FOXN2: variants seen among roughly 807,000 people sequenced by gnomAD.
FOXN2 encodes forkhead box protein N2.
FOXN2 carries 19 observed loss-of-function variants against 41.2 expected under a neutral mutation model. The observed-to-expected ratio is 0.46, with a 90% CI of 0.32 to 0.68. The LOEUF (loss-of-function observed/expected upper bound fraction) is 0.68. FOXN2 is among the 30% of genes least tolerant of loss of function. The pLI is 0.03. For missense variants in FOXN2, 587 were observed against 509.4 expected (o/e 1.15, Z -1.47); for synonymous variants, 195 against 176.8 (o/e 1.10, Z -0.82).
chr2:48,359,208 G>A, intron 4 of FOXN2, 61 bp downstream of exon 4: 1 of 1,130,852 alleles, frequency 8.8e-7, no homozygotes, highest in Non-Finnish European at 1.3e-6. Flanking sequence ...GTGAGATGGA[G>A]AAACTTAAAG....
At chr2:48,338,555 C>T (rs549075658) in intron 2 of FOXN2, among the ~76,000 whole-genome samples, 167 of 152,254 alleles carry the variant, frequency 1.1e-3, no homozygotes, top group African/African-American at 3.8e-3. Context: ...CCGCTCGCCA[C>T]CAGGCCCAGC....
chr2:48,373,456 T>G, intron 6 of FOXN2, 96 bp downstream of exon 6: 1 of 702,262 alleles, frequency 1.4e-6, no homozygotes, highest in Non-Finnish European at 2.4e-6. Context: ...ATTACTTCTT[T>G]CCAACCAAAT....
intron 3 of FOXN2, among the ~76,000 whole-genome samples, chr2:48,355,907 A>G (rs552356271): frequency 6.6e-6 from 1 of 152,276 alleles, no homozygotes; most frequent in South Asian, 2.1e-4. Context: ...AATTTGTTAA[A>G]ATTATATATG....
At chr2:48,365,011 C>A (rs1000223434) in intron 5 of FOXN2, among the ~76,000 whole-genome samples, 1 of 152,098 alleles carries the variant, frequency 6.6e-6, no homozygotes, top group Non-Finnish European at 1.5e-5. Context: ...TATCAAAATT[C>A]TGAATTAGTG....
intron 3 of FOXN2, among the ~76,000 whole-genome samples, chr2:48,351,592 C>T (rs1382689841): frequency 2.0e-5 from 3 of 152,146 alleles, no homozygotes; most frequent in African/African-American, 7.2e-5. Flanking sequence ...CACCTCAGAT[C>T]ATCAGGCATT....
At chr2:48,319,864 T>C (rs1228907496) in intron 1 of FOXN2, among the ~76,000 whole-genome samples, 1 of 144,424 alleles carries the variant, frequency 6.9e-6, no homozygotes, top group East Asian at 2.1e-4. Context: ...ACTCCTGGGC[T>C]CAAGGGATCC....
chr2:48,355,207 AT>A (rs1226946430), intron 3 of FOXN2, among the ~76,000 whole-genome samples: 1 of 152,216 alleles, frequency 6.6e-6, no homozygotes, highest in Non-Finnish European at 1.5e-5. Context: ...CACATCTATA[AT>A]TTTTAAATGT....
chr2:48,342,802 C>A (rs370571920), intron 2 of FOXN2, among the ~76,000 whole-genome samples: 46 of 152,220 alleles, frequency 3.0e-4, no homozygotes, highest in African/African-American at 1.1e-3. Context: ...AACACAATGA[C>A]AGTTCAAACC....
chr2:48,323,444 A>G (rs1378488485), intron 1 of FOXN2, among the ~76,000 whole-genome samples: 1 of 152,042 alleles, frequency 6.6e-6, no homozygotes, highest in Non-Finnish European at 1.5e-5. Context: ...CTGGTGTAAG[A>G]TGGTATCTCA....
At chr2:48,315,850 G>A (rs1668876135) in intron 1 of FOXN2, among the ~76,000 whole-genome samples, 3 of 152,196 alleles carry the variant, frequency 2.0e-5, no homozygotes, top group South Asian at 2.1e-4. Flanking sequence ...TCTTTTTACA[G>A]CAGTCTCTGA....
In FOXN2 at chr2:48,373,227, G is replaced by A. The variant is rs2104537101; in HGVS notation, c.704-65G>A. 2.6e-6 allele frequency: 3 copies of A among 1,151,950 alleles called. No individual in the cohort carries two copies. The South Asian group carries it at 4.0e-5, about 15-fold the overall frequency. The allele number at this position is 1,151,950 out of a possible 1,614,324, so 71.4% of individuals were successfully genotyped here. On this transcript the variant is annotated intron_variant, in intron 5 of 6. Transcript: ENST00000340553. Reference sequence around the variant, plus strand: ...TAACGCTGGTTATCTTCAGGGGCATGCAAATACTTAGAATAGCCTCTCCTT... The same window carrying A: ...TAACGCTGGTTATCTTCAGGGGCATACAAATACTTAGAATAGCCTCTCCTT...
chr2:48,334,030 A>G (rs1262499153), intron 2 of FOXN2, among the ~76,000 whole-genome samples: 1 of 152,120 alleles, frequency 6.6e-6, no homozygotes, highest in Non-Finnish European at 1.5e-5. Flanking sequence ...ACCATTGAGG[A>G]CTAAGATATG....
At position 48,376,420 on chromosome 2, in the gene FOXN2, G is replaced by C. The variant is rs1673251847; in HGVS notation, c.*977G>C. On this transcript the variant is annotated 3_prime_UTR_variant, in exon 7 of 7. Coordinates refer to ENST00000340553, the MANE Select transcript of FOXN2 (RefSeq NM_002158.4). Reference sequence around the variant, plus strand: ...TGGCATGTTATCATACATAAAGTAGGTCATTTAGGAAAAAACTTCTGTCCA... The same window carrying C: ...TGGCATGTTATCATACATAAAGTAGCTCATTTAGGAAAAAACTTCTGTCCA... 1 of 152,122 alleles carries C rather than the reference G, an allele frequency of 6.6e-6. No homozygotes were observed. The highest frequency in any genetic ancestry group is 1.5e-5 in the Non-Finnish European group (1 of 67,936). The allele number at this position is 152,122 out of a possible 1,614,324, so 9.4% of individuals were successfully genotyped here. A position where few individuals can be genotyped will look rare whatever the true frequency, so the allele number is the denominator to read the frequency against.
intron 2 of FOXN2, among the ~76,000 whole-genome samples, chr2:48,345,441 A>T (rs1367569186): frequency 6.6e-6 from 1 of 152,088 alleles, no homozygotes; most frequent in Non-Finnish European, 1.5e-5. Flanking sequence ...TAGCATGATG[A>T]CTGTAGTTAA....
rs569527810 is a variant in FOXN2 at position 48,372,046 on chromosome 2, G to A, written c.704-1246G>A. 4.6e-5 allele frequency among the ~76,000 whole-genome samples: 7 copies of A among 152,168 alleles called. No individual in the cohort carries two copies. The South Asian group carries it at 8.3e-4, about 18-fold the overall frequency. ...TTCTTTCTCTTACCTAATTGCTCTGGCTAGGGCTTCCAGTACTATGTTGAC... is the reference window on the plus strand; with the variant it reads ...TTCTTTCTCTTACCTAATTGCTCTGACTAGGGCTTCCAGTACTATGTTGAC... On this transcript the variant is annotated intron_variant, in intron 5 of 6. Coordinates refer to ENST00000340553, the MANE Select transcript of FOXN2 (RefSeq NM_002158.4).
At chr2:48,317,218 G>C (rs1180279764) in intron 1 of FOXN2, among the ~76,000 whole-genome samples, 1 of 152,104 alleles carries the variant, frequency 6.6e-6, no homozygotes, top group Non-Finnish European at 1.5e-5. Context: ...GGAGGCTGAG[G>C]TGGGAGGATC....
Position 48,375,335 on chromosome 2 carries a change from G to A in FOXN2, c.1188G>A (p.Glu396=), listed in dbSNP as rs1456322703. 6 of 1,613,632 alleles carry A rather than the reference G, an allele frequency of 3.7e-6. No homozygotes were observed. Among genetic ancestry groups the A allele is most frequent in the Middle Eastern group, 1.7e-4 (1 of 6,054 alleles). ...RKQTCQEIDE[E]LKEAAGSLLH... ...AGACATGTCAAGAAATTGATGAGGA[G>A]CTCAAAGAGGCAGCTGGATCTCTGC... Residue 396 remains glutamate (E), a synonymous_variant, in exon 7 of 7, where the codon GAG becomes GAA. Transcript: ENST00000340553.
At chr2:48,346,899 G>C in intron 3 of FOXN2, 148 bp downstream of exon 3, 1 of 641,048 alleles carries the variant, frequency 1.6e-6, no homozygotes, top group Non-Finnish European at 2.4e-6. Context: ...GTTTTCACTT[G>C]AGATGTTTTA....
intron 2 of FOXN2, among the ~76,000 whole-genome samples, chr2:48,343,164 G>C (rs937138639): frequency 2.6e-5 from 4 of 152,070 alleles, no homozygotes; most frequent in Non-Finnish European, 5.9e-5. Flanking sequence ...ACTTAGCCTC[G>C]TTTATAATTT....
Sources: allele counts gnomAD v4.1 joint callset (sites outside exome capture counted in the v4.1 genomes callset), GRCh38; gene constraint gnomAD v4.1.1; transcripts MANE v1.5; gene names NCBI Gene and HGNC (gene_info 2026-07-23, HGNC 2026-07-21).